The following KLHL15 variants were observed in gnomAD, a reference collection of about 807,000 sequenced individuals.
The protein encoded by KLHL15 is kelch like family member 15.
KLHL15 carries 1 observed loss-of-function variant against 29.3 expected under a neutral mutation model. The observed-to-expected ratio is 0.03, with a 90% CI of 0.01 to 0.16. The LOEUF is 0.16. Ranked by LOEUF, KLHL15 falls within the 10% of genes least tolerant of loss-of-function variation. The probability of loss-of-function intolerance (pLI) is 1.00; values close to 1 mark genes in which losing one functional copy is unlikely to be tolerated. For synonymous variants in KLHL15, 212 were observed against 184.5 expected (o/e 1.15, Z -1.21); for missense variants, 215 against 478.5 (o/e 0.45, Z 5.14).
At chrX:24,008,853 C>T (rs755034810) in intron 2 of KLHL15, among the ~76,000 whole-genome samples, 2 of 97,504 alleles carry the variant, frequency 2.1e-5, no homozygotes, top group South Asian at 1.1e-3. Context: ...ACCTCTAGCT[C>T]TACTCCCACG....
In KLHL15 at chrX:24,006,576, G is replaced by A; in HGVS notation, c.118C>T (p.His40Tyr). 1.7e-6 allele frequency: 2 copies of A among 1,210,710 alleles called. No individual in the cohort carries two copies. The highest frequency in any genetic ancestry group is 2.2e-6 in the Non-Finnish European group (2 of 894,915). Reference sequence around the variant, plus strand: ...AGTGCTTTATGGGCCTGGAACTGATGATCTTCAATAACCAGAGTGACATCA... The same window carrying A: ...AGTGCTTTATGGGCCTGGAACTGATAATCTTCAATAACCAGAGTGACATCA... ...LLDVTLVIED[H>Y]QFQAHKALLA... is the part of the protein sequence containing the mutation. The change falls in exon 3 of 4, where the codon CAT becomes TAT. Residue 40 changes from histidine to tyrosine, a missense_variant. By Grantham distance (83) the His-to-Tyr change is moderately conservative. Coordinates refer to ENST00000328046, the MANE Select transcript of KLHL15 (RefSeq NM_030624.3).
At chrX:23,992,791 T>C (rs1385744954) in intron 3 of KLHL15, among the ~76,000 whole-genome samples, 1 of 112,243 alleles carries the variant, frequency 8.9e-6, no homozygotes, top group Non-Finnish European at 1.9e-5. Context: ...GGAATTCAGA[T>C]GTTAAAAAAC....
At chrX:23,995,297 C>T (rs1249414739) in intron 3 of KLHL15, among the ~76,000 whole-genome samples, 1 of 107,993 alleles carries the variant, frequency 9.3e-6, no homozygotes, top group Non-Finnish European at 1.9e-5. Flanking sequence ...GTCCCAGTTA[C>T]TCGGGAGGCT....
At chrX:24,013,498 G>C (rs753615654) in intron 2 of KLHL15, among the ~76,000 whole-genome samples, 2 of 110,137 alleles carry the variant, frequency 1.8e-5, no homozygotes, top group African/African-American at 3.3e-5. Context: ...TCCTGACCTC[G>C]AGAGATCTGC....
intron 3 of KLHL15, among the ~76,000 whole-genome samples, chrX:23,994,749 A>C (rs1034012263): frequency 8.9e-6 from 1 of 112,271 alleles, no homozygotes; most frequent in Non-Finnish European, 1.9e-5. Context: ...ATACTTTAAA[A>C]AACTGTATAA....
chrX:23,997,525 G>A (rs1482371636), intron 3 of KLHL15, among the ~76,000 whole-genome samples: 1 of 108,640 alleles, frequency 9.2e-6, no homozygotes, highest in Admixed American at 9.9e-5. Context: ...GAGCTCAGGA[G>A]TTCAAGACCA....
chrX:24,022,101 G>A (rs986850172), intron 2 of KLHL15, among the ~76,000 whole-genome samples: 4 of 110,687 alleles, frequency 3.6e-5, no homozygotes, highest in African/African-American at 9.9e-5. Flanking sequence ...CACTTTGGGA[G>A]ACCGAGGCGG....
At chrX:24,016,582 G>A (rs1351119756) in intron 2 of KLHL15, among the ~76,000 whole-genome samples, 3 of 109,028 alleles carry the variant, frequency 2.8e-5, no homozygotes, top group African/African-American at 6.7e-5. Context: ...TGGGAGAATC[G>A]CTTGAACCCA....
intron 3 of KLHL15, among the ~76,000 whole-genome samples, chrX:23,991,865 AAAAC>A (rs1271128993): frequency 3.6e-5 from 4 of 112,128 alleles, no homozygotes; most frequent in East Asian, 2.8e-4. Context: ...AAACCTGAAA[AAAAC>A]AAACAAAAAA....
intron 3 of KLHL15, among the ~76,000 whole-genome samples, chrX:24,001,004 T>C (rs926833893): frequency 8.9e-6 from 1 of 112,482 alleles, no homozygotes; most frequent in African/African-American, 3.2e-5. Flanking sequence ...AATATTCTTA[T>C]AATAAATTCT....
intron 2 of KLHL15, among the ~76,000 whole-genome samples, chrX:24,017,168 C>T (rs1339944443): frequency 2.0e-5 from 2 of 101,821 alleles, no homozygotes; most frequent in African/African-American, 3.7e-5. Context: ...GCTGAGATGG[C>T]GCCATTGTAC....
rs1929012004 is a variant in KLHL15, at chrX:23,987,785, G to A, written c.*136C>T. 1.7e-6 allele frequency: 1 copy of A among 580,029 alleles called. No individual in the cohort carries two copies. 47.8% of individuals were successfully genotyped at this position (580,029 alleles called of 1,213,427 possible). ...AAAAGAAAAAAAGGATGCTAGCACA[G>A]AATGAAAAATTCTTACAATGTTAGA... On this transcript the variant is annotated 3_prime_UTR_variant, in exon 4 of 4. Transcript: ENST00000328046.
chrX:24,001,870 ACG>A (rs1324930336), intron 3 of KLHL15, among the ~76,000 whole-genome samples: 1 of 105,603 alleles, frequency 9.5e-6, no homozygotes, highest in East Asian at 3.0e-4. Flanking sequence ...GCGGTGGCTC[ACG>A]CCTGTAATCC....
Position 23,987,139 on chromosome X carries a change from G to A in KLHL15, c.*782C>T, listed in dbSNP as rs1186088307. 8.9e-6 allele frequency: 1 copy of A among 112,465 alleles called. No homozygotes were observed. The highest frequency in any genetic ancestry group is 3.2e-5 in the African/African-American group (1 of 31,019). 9.3% of individuals were successfully genotyped at this position (112,465 alleles called of 1,213,427 possible). A position where few individuals can be genotyped will look rare whatever the true frequency, so the allele number is the denominator to read the frequency against. The stretch of plus-strand genomic sequence containing the variant: ...TATTACTGAATCAGTATGGACTGAA[G>A]ATAGGCTACTTTGATAGCAAATGAG... On this transcript the variant is annotated 3_prime_UTR_variant, in exon 4 of 4. Coordinates refer to ENST00000328046, the MANE Select transcript of KLHL15 (RefSeq NM_030624.3).
intron 1 of KLHL15, among the ~76,000 whole-genome samples, chrX:24,026,466 G>A (rs1282669209): frequency 1.9e-5 from 2 of 107,701 alleles, no homozygotes; most frequent in East Asian, 5.8e-4. Context: ...AAGTGTAGAT[G>A]ACGGAAATAC....
intron 3 of KLHL15, among the ~76,000 whole-genome samples, chrX:24,005,443 C>T (rs763645243): frequency 3.6e-5 from 4 of 111,421 alleles, no homozygotes; most frequent in Non-Finnish European, 5.6e-5. Flanking sequence ...CACAGTAAAA[C>T]GGGGAAAACC....
At chrX:23,993,936 C>T (rs755506995) in intron 3 of KLHL15, among the ~76,000 whole-genome samples, 3 of 107,583 alleles carry the variant, frequency 2.8e-5, no homozygotes, top group Non-Finnish European at 3.8e-5. Context: ...GTCCCAGCTA[C>T]TCGGGAGGAT....
intron 3 of KLHL15, among the ~76,000 whole-genome samples, chrX:23,990,217 G>A (rs1929054200): frequency 9.0e-6 from 1 of 111,703 alleles, no homozygotes; most frequent in Non-Finnish European, 1.9e-5. Flanking sequence ...ATAAGCGTAA[G>A]ATGTGATCCG....
intron 3 of KLHL15, among the ~76,000 whole-genome samples, chrX:23,991,457 T>C (rs1229501481): frequency 9.1e-6 from 1 of 109,560 alleles, no homozygotes; most frequent in Non-Finnish European, 1.9e-5. Flanking sequence ...AGGTGGAGGT[T>C]ACAGTGAGCC....
Sources: gnomAD v4.1 joint callset for allele counts (sites outside exome capture counted in the v4.1 genomes callset) on GRCh38, gnomAD v4.1.1 for gene constraint, MANE v1.5 for transcripts, NCBI Gene and HGNC (gene_info 2026-07-23, HGNC 2026-07-21) for gene names.